DLGAP2: variants seen among roughly 807,000 people sequenced by gnomAD.
The protein encoded by DLGAP2 is DLG associated protein 2.
A neutral mutation model predicts 100.3 loss-of-function variants in DLGAP2; 26 were observed. The observed-to-expected ratio is 0.26, with a 90% CI of 0.19 to 0.36. The LOEUF is 0.36. DLGAP2 is among the 10% of genes least tolerant of loss of function. DLGAP2 has a pLI of 1.00. For synonymous variants in DLGAP2, 886 were observed against 630.1 expected (o/e 1.41, Z -6.08); for missense variants, 1,858 against 1,453.2 (o/e 1.28, Z -4.53).
chr8:1,588,622 C>T (rs927070811), intron 6 of DLGAP2, among the ~76,000 whole-genome samples: 6 of 151,056 alleles, frequency 4.0e-5, no homozygotes, highest in Non-Finnish European at 7.4e-5. Context: ...CAGTGTTTAA[C>T]AGGGTGCTGT....
At chr8:1,176,790 G>C (rs28453719) in intron 2 of DLGAP2, among the ~76,000 whole-genome samples, 29,158 of 152,148 alleles carry the variant, frequency 0.19, 2,936 homozygotes, top group Middle Eastern at 0.35. Flanking sequence ...AAGAGGTCTC[G>C]GTTGGAGGCA....
rs958008761 is a variant in DLGAP2 at position 1,707,090 on chromosome 8, G to A, written c.*5684G>A. ...CCTACTATCAAACTACTTTTTAACA[G>A]ATTTTGTATATACACACACAAGTTG... On this transcript the variant is annotated 3_prime_UTR_variant, in exon 15 of 15. Coordinates refer to ENST00000637795, the MANE Select transcript of DLGAP2 (RefSeq NM_001346810.2). 2.0e-5 allele frequency: 3 copies of A among 152,636 alleles called. No homozygotes were observed. The highest frequency in any genetic ancestry group is 4.4e-5 in the Non-Finnish European group (3 of 68,054). The allele number at this position is 152,636 out of a possible 1,614,324, so 9.5% of individuals were successfully genotyped here.
At chr8:883,697 G>T (rs1013962587) in intron 1 of DLGAP2, among the ~76,000 whole-genome samples, 1 of 151,934 alleles carries the variant, frequency 6.6e-6, no homozygotes, top group Non-Finnish European at 1.5e-5. Context: ...CGTTACGTAG[G>T]TGCGCGTGTG....
intron 3 of DLGAP2, among the ~76,000 whole-genome samples, chr8:1,262,921 T>G (rs1356968373): frequency 1.1e-4 from 16 of 152,186 alleles, no homozygotes; most frequent in Admixed American, 9.8e-4. Flanking sequence ...TACATTTTTA[T>G]GGCTTGATTT....
intron 4 of DLGAP2, among the ~76,000 whole-genome samples, chr8:1,547,678 G>T (rs950605535): frequency 3.9e-5 from 6 of 152,196 alleles, no homozygotes; most frequent in African/African-American, 1.2e-4. Flanking sequence ...TGGTGGCTCA[G>T]TGGCCATAAG....
chr8:1,533,121 T>A (rs1168905623), intron 4 of DLGAP2, among the ~76,000 whole-genome samples: 1 of 149,334 alleles, frequency 6.7e-6, no homozygotes, highest in East Asian at 1.9e-4. Flanking sequence ...CAGTTGTTAG[T>A]CACTGATTCT....
Position 1,697,189 on chromosome 8 carries a change from G to A in DLGAP2, c.2839G>A (p.Gly947Ser), listed in dbSNP as rs1190246849. The change falls in exon 14 of 15, where the codon GGC becomes AGC. Residue 947 changes from glycine (G) to serine (S), a missense_variant. Transcript: ENST00000637795. ...GAGGCCGACGTCGCAGGACCTGGCC[G>A]GCTACTGGGACATGCTGCAGCTCTC... is the stretch of plus-strand genomic sequence containing the variant. The part of the protein sequence containing the change: ...MPRPTSQDLA[G>S]YWDMLQLSIE... 5 of 1,608,718 alleles carry A rather than the reference G, an allele frequency of 3.1e-6. No homozygotes were observed. The highest frequency in any genetic ancestry group is 2.5e-6 in the Non-Finnish European group (3 of 1,176,892).
At chr8:942,819 A>G (rs2129005611) in intron 2 of DLGAP2, among the ~76,000 whole-genome samples, 1 of 152,330 alleles carries the variant, frequency 6.6e-6, no homozygotes, top group East Asian at 1.9e-4. Flanking sequence ...CAGTGAAAAG[A>G]CATAGAGCTA....
chr8:889,131 A>G (rs1235137088), intron 1 of DLGAP2, among the ~76,000 whole-genome samples: 1 of 152,140 alleles, frequency 6.6e-6, no homozygotes, highest in Non-Finnish European at 1.5e-5. Flanking sequence ...AGGAGAAGGA[A>G]TTTCACAAGA....
At chr8:1,283,490 T>G (rs1048654460) in intron 3 of DLGAP2, among the ~76,000 whole-genome samples, 3 of 152,260 alleles carry the variant, frequency 2.0e-5, no homozygotes, top group African/African-American at 7.2e-5. Flanking sequence ...TTTGCTCTGC[T>G]GAAAAGATGA....
At chr8:1,684,810 C>G (rs569300713) in intron 12 of DLGAP2, among the ~76,000 whole-genome samples, 1 of 151,996 alleles carries the variant, frequency 6.6e-6, no homozygotes, top group East Asian at 1.9e-4. Context: ...AAAAGAAATC[C>G]TTCCCAAGCT....
intron 2 of DLGAP2, among the ~76,000 whole-genome samples, chr8:1,077,685 G>C (rs1458969967): frequency 6.6e-6 from 1 of 152,208 alleles, no homozygotes; most frequent in African/African-American, 2.4e-5. Flanking sequence ...TACTAAGAAT[G>C]TTCTTAAGAA....
At chr8:1,161,762 CG>C (rs1373906710) in intron 2 of DLGAP2, among the ~76,000 whole-genome samples, 1 of 152,020 alleles carries the variant, frequency 6.6e-6, no homozygotes, top group Non-Finnish European at 1.5e-5. Flanking sequence ...AAGCCTCCCC[CG>C]GGTGCCATGG....
At chr8:1,297,297 G>C (rs1479271843) in intron 3 of DLGAP2, 1 of 152,250 alleles carries the variant, frequency 6.6e-6, no homozygotes, top group Non-Finnish European at 1.5e-5. Context: ...AGAAAAACAT[G>C]TCTCCCCTGC....
chr8:1,086,438 C>G (rs901457346), intron 2 of DLGAP2, among the ~76,000 whole-genome samples: 2 of 152,042 alleles, frequency 1.3e-5, no homozygotes. Context: ...TACATTCATT[C>G]TATATCTAAT....
chr8:1,306,623 A>T (rs1170917266), intron 3 of DLGAP2, among the ~76,000 whole-genome samples: 1 of 151,956 alleles, frequency 6.6e-6, no homozygotes, highest in African/African-American at 2.4e-5. Context: ...GGAGTCTCAC[A>T]CTTCCTGATT....
At chr8:1,351,622 G>T (rs796875163) in intron 3 of DLGAP2, among the ~76,000 whole-genome samples, 13 of 49,766 alleles carry the variant, frequency 2.6e-4, no homozygotes, top group South Asian at 2.1e-3. Context: ...TGGAAAGGCC[G>T]TGCGGGTCCT....
intron 1 of DLGAP2, among the ~76,000 whole-genome samples, chr8:841,351 C>T (rs775271317): frequency 9.9e-5 from 15 of 152,132 alleles, no homozygotes; most frequent in Non-Finnish European, 1.8e-4. Context: ...CCAGTGGGGG[C>T]CTCTTCACTT....
intron 3 of DLGAP2, among the ~76,000 whole-genome samples, chr8:1,387,953 G>A (rs548143972): frequency 5.9e-5 from 9 of 152,358 alleles, no homozygotes; most frequent in South Asian, 2.1e-4. Flanking sequence ...GTGGGTTAGC[G>A]ATCAAGGCGT....
Sources: gnomAD v4.1 joint callset for allele counts (sites outside exome capture counted in the v4.1 genomes callset) on GRCh38, gnomAD v4.1.1 for gene constraint, MANE v1.5 for transcripts, NCBI Gene and HGNC (gene_info 2026-07-23, HGNC 2026-07-21) for gene names.